The following XKR4 variants were observed in gnomAD, a reference collection of about 807,000 sequenced individuals.
XKR4 encodes the protein XK-related protein 4.
XKR4 carries 12 observed loss-of-function variants against 53.9 expected under a neutral mutation model. The observed-to-expected ratio is 0.22, with a 90% CI of 0.14 to 0.36. The LOEUF (loss-of-function observed/expected upper bound fraction) is 0.36, where lower values mean the gene tolerates loss of function less well. Among genes scored for constraint, XKR4 ranks in the 10% least tolerant of loss-of-function variants. XKR4 has a pLI of 1.00. For missense variants in XKR4, 799 were observed against 859.5 expected (o/e 0.93, Z 0.88); for synonymous variants, 354 against 362.4 (o/e 0.98, Z 0.26).
chr8:55,187,567 G>T (rs1243301970), intron 1 of XKR4, among the ~76,000 whole-genome samples: 3 of 152,124 alleles, frequency 2.0e-5, no homozygotes, highest in Non-Finnish European at 4.4e-5. Context: ...GTTTTAACTG[G>T]CACAATGTGA....
At chr8:55,306,861 A>C (rs967640798) in intron 1 of XKR4, among the ~76,000 whole-genome samples, 1 of 152,074 alleles carries the variant, frequency 6.6e-6, no homozygotes, top group African/African-American at 2.4e-5. Context: ...TGGTGGTAAG[A>C]TGGATTTCCA....
At chr8:55,450,210 G>T (rs1036469373) in intron 2 of XKR4, 13 of 646,750 alleles carry the variant, frequency 2.0e-5, no homozygotes, top group Non-Finnish European at 3.3e-5. Context: ...ACACCACACA[G>T]CACCTGCTCT....
rs748126306 is a variant in XKR4 at position 55,102,675 on chromosome 8, C to CGCT, written c.202_204dup (p.Cys68dup). On this transcript the variant is annotated inframe_insertion, in exon 1 of 3. Coordinates refer to ENST00000327381, the MANE Select transcript of XKR4 (RefSeq NM_052898.2). This position sits in a 1 kb window ranked among gnomAD's most constrained non-coding sequence, Gnocchi z 5.1. ...CTGCCCGGACGGCGGCGGCTGCTCG[C>CGCT]GCTGCTGCTGCTGCTGCGCCGGGAG... The CGCT allele has an allele frequency of 4.2e-5, 52 of 1,224,832 alleles. No homozygotes were observed. The Admixed American group carries it at 8.6e-4, about 20-fold the overall frequency. The allele number at this position is 1,224,832 out of a possible 1,614,324, so 75.9% of individuals were successfully genotyped here.
At chr8:55,324,198 C>T (rs1424675078) in intron 1 of XKR4, among the ~76,000 whole-genome samples, 1 of 152,166 alleles carries the variant, frequency 6.6e-6, no homozygotes, top group Non-Finnish European at 1.5e-5. Context: ...TGAACTCAAG[C>T]AATCCTCCCA....
At chr8:55,340,041 A>G (rs1803518786) in intron 1 of XKR4, among the ~76,000 whole-genome samples, 1 of 152,244 alleles carries the variant, frequency 6.6e-6, no homozygotes, top group South Asian at 2.1e-4. Context: ...TTCAAATTAT[A>G]TCCTAAAAGA....
At chr8:55,438,763 T>G (rs1405178813) in intron 2 of XKR4, among the ~76,000 whole-genome samples, 1 of 152,090 alleles carries the variant, frequency 6.6e-6, no homozygotes, top group Non-Finnish European at 1.5e-5. Flanking sequence ...ATATAAAATA[T>G]ATCTTAAAAT....
At chr8:55,345,769 T>C (rs16921648) in intron 1 of XKR4, among the ~76,000 whole-genome samples, 13,678 of 152,156 alleles carry the variant, frequency 0.09, 1,819 homozygotes, top group African/African-American at 0.29. Flanking sequence ...GTGGTGTGCT[T>C]GGGGCACTGA....
chr8:55,174,360 A>C (rs936001346), intron 1 of XKR4, among the ~76,000 whole-genome samples: 9 of 152,188 alleles, frequency 5.9e-5, no homozygotes, highest in African/African-American at 2.2e-4. Flanking sequence ...CACCTAAAAG[A>C]AGAGTATAGC....
chr8:55,238,362 G>C (rs928155394), intron 1 of XKR4, among the ~76,000 whole-genome samples: 1 of 152,202 alleles, frequency 6.6e-6, no homozygotes, highest in Non-Finnish European at 1.5e-5. Context: ...TCATCATAAA[G>C]GTGTTCATCC....
At chr8:55,368,063 C>G (rs976181762) in intron 2 of XKR4, among the ~76,000 whole-genome samples, 2 of 152,226 alleles carry the variant, frequency 1.3e-5, no homozygotes, top group South Asian at 4.2e-4. Context: ...CAGGTTCAAG[C>G]GATTCCCGTG....
At chr8:55,365,436 G>C (rs974299664) in intron 2 of XKR4, among the ~76,000 whole-genome samples, 4 of 152,232 alleles carry the variant, frequency 2.6e-5, no homozygotes, top group African/African-American at 9.6e-5. Context: ...TGGACGCGGT[G>C]ACTCACGCCT....
intron 2 of XKR4, among the ~76,000 whole-genome samples, chr8:55,423,240 C>T (rs150862418): frequency 0.013 from 2,009 of 152,096 alleles, 43 homozygotes; most frequent in African/African-American, 0.045. Flanking sequence ...GGATTACAGG[C>T]GCCTGCCACC....
chr8:55,276,943 T>C (rs561609373), intron 1 of XKR4, among the ~76,000 whole-genome samples: 1 of 152,320 alleles, frequency 6.6e-6, no homozygotes, highest in South Asian at 2.1e-4. Context: ...ACTGTGGTTG[T>C]GTCATGGAAT....
chr8:55,425,593 C>A (rs927654111), intron 2 of XKR4, among the ~76,000 whole-genome samples: 5 of 152,198 alleles, frequency 3.3e-5, no homozygotes, highest in African/African-American at 1.2e-4. Flanking sequence ...AGTGCCCATT[C>A]TTCCATCATT....
intron 1 of XKR4, among the ~76,000 whole-genome samples, chr8:55,209,478 C>T (rs1257165786): frequency 6.6e-6 from 1 of 152,178 alleles, no homozygotes; most frequent in African/African-American, 2.4e-5. Flanking sequence ...CATCCTCCAC[C>T]TGATTTTATT....
At chr8:55,383,266 T>C (rs550742119) in intron 2 of XKR4, among the ~76,000 whole-genome samples, 2 of 152,324 alleles carry the variant, frequency 1.3e-5, no homozygotes, top group South Asian at 4.1e-4. Context: ...AAAGCACAGT[T>C]GCATTTGATG....
At chr8:55,205,692 A>G (rs76517758) in intron 1 of XKR4, among the ~76,000 whole-genome samples, 4,470 of 152,316 alleles carry the variant, frequency 0.029, 239 homozygotes, top group African/African-American at 0.1. Context: ...AAAGTTTTAT[A>G]TTTGATAAAA....
chr8:55,405,904 G>T (rs1804672849), intron 2 of XKR4, among the ~76,000 whole-genome samples: 1 of 152,178 alleles, frequency 6.6e-6, no homozygotes, highest in Non-Finnish European at 1.5e-5. Flanking sequence ...CTCTGTAAGT[G>T]AGCCCTTCCA....
intron 1 of XKR4, among the ~76,000 whole-genome samples, chr8:55,240,524 A>G (rs1351380429): frequency 3.9e-5 from 6 of 152,026 alleles, no homozygotes; most frequent in Non-Finnish European, 8.8e-5. Context: ...AGAGAACATG[A>G]TCAAGTGGAA....
Sources: gnomAD v4.1 joint callset for allele counts (sites outside exome capture counted in the v4.1 genomes callset) on GRCh38, gnomAD v4.1.1 for gene constraint, Gnocchi (gnomAD v3.1) non-coding constraint, MANE v1.5 for transcripts, NCBI Gene and HGNC (gene_info 2026-07-23, HGNC 2026-07-21) for gene names.